CNTNAP2: variants seen among roughly 807,000 people sequenced by gnomAD.
CNTNAP2 encodes the protein contactin associated protein 2.
Under a neutral mutation model 155.2 loss-of-function variants are expected in CNTNAP2, and 98 were observed. That is an observed-to-expected ratio of 0.63 (90% CI 0.54 to 0.75). The LOEUF is 0.75. CNTNAP2 is among the 30% of genes least tolerant of loss of function. CNTNAP2 has a pLI of 0.00. For missense variants in CNTNAP2, 1,727 were observed against 1,688.1 expected (o/e 1.02, Z -0.40); for synonymous variants, 651 against 631.2 (o/e 1.03, Z -0.47).
intron 10 of CNTNAP2, among the ~76,000 whole-genome samples, chr7:147,435,261 G>C (rs1797531714): frequency 6.6e-6 from 1 of 152,068 alleles, no homozygotes. Flanking sequence ...ATCATTGCAG[G>C]GTATTATTAA....
At chr7:147,047,735 CTGTCA>C (rs1449503067) in intron 4 of CNTNAP2, among the ~76,000 whole-genome samples, 4 of 151,042 alleles carry the variant, frequency 2.6e-5, no homozygotes, top group Non-Finnish European at 5.9e-5. Flanking sequence ...TGAGTTTGTG[CTGTCA>C]TGGGCTTTTC....
intron 19 of CNTNAP2, among the ~76,000 whole-genome samples, chr7:148,223,420 G>T (rs1430241451): frequency 6.6e-6 from 1 of 152,154 alleles, no homozygotes; most frequent in African/African-American, 2.4e-5. Flanking sequence ...TGATAATGAT[G>T]ATGACCAGGA....
At position 147,820,719 on chromosome 7, in the gene CNTNAP2, T is replaced by C. The variant is rs1798347581; in HGVS notation, c.2099-82846T>C. 2.0e-5 allele frequency among the ~76,000 whole-genome samples: 3 copies of C among 152,262 alleles called. No homozygotes were observed. In the South Asian group the frequency reaches 6.2e-4, roughly 32 times the overall value. On this transcript the variant is annotated intron_variant, in intron 13 of 23. Transcript: ENST00000361727. The stretch of plus-strand genomic sequence containing the variant: ...TGTGAGGCAAGGATCAATTTATTCA[T>C]ATTAGATTATTCAGTCATTTCAGAA...
chr7:147,011,317 G>T lies in CNTNAP2; in HGVS notation c.403-32590G>T, dbSNP rs143038797. Reference sequence around the variant, plus strand: ...TAATCCCAGGTACTTGGAAGGCTAAGGTAGGAGAATCACTTGAACCTGGGA... The same window carrying T: ...TAATCCCAGGTACTTGGAAGGCTAATGTAGGAGAATCACTTGAACCTGGGA... On this transcript the variant is annotated intron_variant, in intron 3 of 23. Transcript: ENST00000361727. 3.6e-3 allele frequency among the ~76,000 whole-genome samples: 537 copies of T among 151,014 alleles called. 9 individuals carry two copies. The highest frequency in any genetic ancestry group is 0.012 in the African/African-American group (503 of 40,970).
rs186434332 is a variant in CNTNAP2 at position 148,312,709 on chromosome 7, G to A, written c.3475+45583G>A. Among the ~76,000 whole-genome samples the A allele has an allele frequency of 3.8e-3, 571 of 152,216 alleles. 8 individuals carry two copies. Among genetic ancestry groups the A allele is most frequent in the African/African-American group, 0.013 (535 of 41,508 alleles). On this transcript the variant is annotated intron_variant, in intron 21 of 23. Coordinates refer to ENST00000361727, the MANE Select transcript of CNTNAP2 (RefSeq NM_014141.6). ...CAGGTAAAATGGGGGAATTGTAAGG[G>A]GAGTTTATAGGCTTTAAAAGGCCAT...
intron 1 of CNTNAP2, among the ~76,000 whole-genome samples, chr7:146,425,532 A>G (rs1337334864): frequency 1.3e-5 from 2 of 152,194 alleles, no homozygotes; most frequent in South Asian, 2.1e-4. Context: ...TTAGTACATC[A>G]ATAATTATTT....
intron 13 of CNTNAP2, among the ~76,000 whole-genome samples, chr7:147,876,651 TA>T (rs578250725): frequency 2.0e-5 from 3 of 152,150 alleles, no homozygotes; most frequent in African/African-American, 2.4e-5. Context: ...AAATAGCAGT[TA>T]GGGGGAGTGA....
At chr7:148,238,708 A>G (rs1796091761) in intron 20 of CNTNAP2, among the ~76,000 whole-genome samples, 1 of 152,186 alleles carries the variant, frequency 6.6e-6, no homozygotes, top group African/African-American at 2.4e-5. Context: ...TCATACACCC[A>G]TAAAAATTCC....
chr7:147,326,555 G>A (rs1795462834), intron 9 of CNTNAP2, among the ~76,000 whole-genome samples: 1 of 152,160 alleles, frequency 6.6e-6, no homozygotes, highest in Admixed American at 6.5e-5. Flanking sequence ...CCCAGGAGTG[G>A]AATTGCTGGA....
At chr7:148,020,819 G>T (rs1313219813) in intron 15 of CNTNAP2, among the ~76,000 whole-genome samples, 1 of 152,150 alleles carries the variant, frequency 6.6e-6, no homozygotes, top group Non-Finnish European at 1.5e-5. Context: ...CTCCTGAGGT[G>T]AGCATAAAAA....
intron 4 of CNTNAP2, among the ~76,000 whole-genome samples, chr7:147,052,718 C>G (rs1477622076): frequency 2.6e-5 from 4 of 151,590 alleles, no homozygotes; most frequent in Non-Finnish European, 5.9e-5. Context: ...GGAAAAAAAA[C>G]CACCCAAGAT....
intron 9 of CNTNAP2, among the ~76,000 whole-genome samples, chr7:147,380,865 C>A (rs826816): frequency 0.78 from 118,712 of 152,128 alleles, 47,057 homozygotes; most frequent in African/African-American, 0.93. Context: ...ACTTTTCCAT[C>A]TGCAATGATA....
At chr7:147,929,844 G>A (rs1800465648) in intron 14 of CNTNAP2, among the ~76,000 whole-genome samples, 1 of 152,178 alleles carries the variant, frequency 6.6e-6, no homozygotes, top group Non-Finnish European at 1.5e-5. Flanking sequence ...GTGGGGGATG[G>A]TTTGGGGACA....
chr7:148,129,126 T>G (rs1436417796), intron 16 of CNTNAP2, among the ~76,000 whole-genome samples: 1 of 152,162 alleles, frequency 6.6e-6, no homozygotes, highest in Non-Finnish European at 1.5e-5. Flanking sequence ...GGGGCTCAAC[T>G]TCTGCTTTGG....
intron 3 of CNTNAP2, among the ~76,000 whole-genome samples, chr7:146,979,146 A>T (rs1364792273): frequency 2.0e-5 from 3 of 152,082 alleles, no homozygotes; most frequent in Non-Finnish European, 2.9e-5. Flanking sequence ...CAATTTGAAG[A>T]TCTCCTTAAC....
chr7:147,505,320 G>C (rs1798887637), intron 11 of CNTNAP2, among the ~76,000 whole-genome samples: 1 of 147,358 alleles, frequency 6.8e-6, no homozygotes, highest in South Asian at 2.1e-4. Flanking sequence ...CTATTATTTT[G>C]TAACTTCTAA....
At chr7:147,803,464 G>C (rs1386089230) in intron 13 of CNTNAP2, among the ~76,000 whole-genome samples, 2 of 152,206 alleles carry the variant, frequency 1.3e-5, no homozygotes, top group African/African-American at 4.8e-5. Context: ...CATGTTCTCT[G>C]CCAGGCAGAG....
chr7:147,347,544 CT>C (rs1344626976), intron 9 of CNTNAP2, among the ~76,000 whole-genome samples: 1 of 142,250 alleles, frequency 7.0e-6, no homozygotes, highest in Non-Finnish European at 1.5e-5. Context: ...TCAAAGTATT[CT>C]TTTGCTTGGA....
chr7:147,949,187 C>T (rs533417209), intron 14 of CNTNAP2, among the ~76,000 whole-genome samples: 4 of 149,252 alleles, frequency 2.7e-5, no homozygotes, highest in Middle Eastern at 3.5e-3. Flanking sequence ...GCAATAAGAG[C>T]GAAACTCCGT....
Sources: allele counts gnomAD v4.1 joint callset (sites outside exome capture counted in the v4.1 genomes callset), GRCh38; gene constraint gnomAD v4.1.1; transcripts MANE v1.5; gene names NCBI Gene and HGNC (gene_info 2026-07-23, HGNC 2026-07-21).